Variants in USP42 observed in about 807,000 individuals in gnomAD.
The protein encoded by USP42 is ubiquitin specific peptidase 42.
USP42 carries 23 observed loss-of-function variants against 113.0 expected under a neutral mutation model. The ratio of observed to expected loss-of-function variants is 0.20; its 90% CI spans 0.15 to 0.29. The LOEUF (loss-of-function observed/expected upper bound fraction) is 0.29. USP42 is among the 10% of genes least tolerant of loss of function. The pLI is 1.00. For synonymous variants in USP42, 933 were observed against 699.0 expected (o/e 1.33, Z -5.28); for missense variants, 2,174 against 1,779.8 (o/e 1.22, Z -3.99).
intron 3 of USP42, among the ~76,000 whole-genome samples, chr7:6,123,028 G>T (rs562892352): frequency 2.4e-4 from 36 of 150,972 alleles, no homozygotes; most frequent in Non-Finnish European, 5.3e-4. Flanking sequence ...TTTCGCCCGT[G>T]TTGGCTAGGC....
At chr7:6,121,687 C>G (rs936024594) in intron 3 of USP42, among the ~76,000 whole-genome samples, 1 of 152,190 alleles carries the variant, frequency 6.6e-6, no homozygotes, top group Admixed American at 6.5e-5. Flanking sequence ...TTTTAGAAGA[C>G]AGGATCTTGC....
At chr7:6,125,707 A>T (rs990295502) in intron 3 of USP42, among the ~76,000 whole-genome samples, 1 of 151,276 alleles carries the variant, frequency 6.6e-6, no homozygotes, top group Admixed American at 6.6e-5. Context: ...ACTGCTTTTC[A>T]TTCCTTTTTA....
intron 6 of USP42, among the ~76,000 whole-genome samples, chr7:6,140,479 G>A (rs540028171): frequency 6.6e-6 from 1 of 150,732 alleles, no homozygotes; most frequent in African/African-American, 2.5e-5. Context: ...AACAGCCTTC[G>A]ACAGTTGGAG....
chr7:6,148,654 A>T (rs917601063), intron 12 of USP42, among the ~76,000 whole-genome samples: 6 of 152,218 alleles, frequency 3.9e-5, no homozygotes, highest in African/African-American at 1.4e-4. Flanking sequence ...TAGTGTCACA[A>T]GGAACACAGG....
At chr7:6,091,017 G>C in the USP42 span, among the ~76,000 whole-genome samples, 1 of 150,534 alleles carries the variant, frequency 6.6e-6, no homozygotes, top group Non-Finnish European at 1.5e-5. Context: ...CCTATTCAGT[G>C]GTGAGTTATA....
chr7:6,157,352 A>G lies in USP42; in HGVS notation c.3943+297A>G. On this transcript the variant is annotated intron_variant, in intron 16 of 17. Coordinates refer to ENST00000306177, the MANE Select transcript of USP42 (RefSeq NM_032172.3). This position sits in a 1 kb window ranked among gnomAD's most constrained non-coding sequence, Gnocchi z 4.1. ...TCTAGGCATCTGACTTTGCCTTGCAAAGGACCAGAACTCTTGGTTTGGTTT... is the reference window on the plus strand; with the variant it reads ...TCTAGGCATCTGACTTTGCCTTGCAGAGGACCAGAACTCTTGGTTTGGTTT... 1 of 1,072,664 alleles carries G rather than the reference A, an allele frequency of 9.3e-7. No individual in the cohort carries two copies. Among genetic ancestry groups the G allele is most frequent in the South Asian group, 4.5e-5 (1 of 22,276 alleles). 66.4% of individuals were successfully genotyped at this position (1,072,664 alleles called of 1,614,324 possible). A position where few individuals can be genotyped will look rare whatever the true frequency, so the allele number is the denominator to read the frequency against.
intron 3 of USP42, among the ~76,000 whole-genome samples, chr7:6,127,909 C>CT (rs1479073672): frequency 1.3e-5 from 2 of 152,172 alleles, no homozygotes; most frequent in Middle Eastern, 6.8e-3. Flanking sequence ...ACCATTCCTG[C>CT]TTTTTTTGTT....
At chr7:6,114,670 A>ATTTTTTTTTTTTGTTT (rs1360907493) in intron 2 of USP42, among the ~76,000 whole-genome samples, 1 of 39,702 alleles carries the variant, frequency 2.5e-5, no homozygotes, top group Non-Finnish European at 4.3e-5. Flanking sequence ...ATATATATAT[A>ATTTTTTTTTTTTGTTT]TATATATATT....
intron 14 of USP42, among the ~76,000 whole-genome samples, chr7:6,152,714 A>G (rs918888941): frequency 3.3e-5 from 5 of 152,250 alleles, no homozygotes; most frequent in Admixed American, 6.5e-5. Flanking sequence ...CCCAGGCCAC[A>G]GCAGCTTTCA....
chr7:6,156,050 A>G (rs1188936984), intron 15 of USP42, among the ~76,000 whole-genome samples: 1 of 152,140 alleles, frequency 6.6e-6, no homozygotes, highest in Admixed American at 6.5e-5. Context: ...CTGTTTTTGT[A>G]TTTTTAAAAA....
the USP42 span, among the ~76,000 whole-genome samples, chr7:6,097,154 A>C: frequency 6.6e-6 from 1 of 150,934 alleles, no homozygotes; most frequent in African/African-American, 2.5e-5. Flanking sequence ...ATCTCCTGTT[A>C]TTAGCCCTGG....
intron 11 of USP42, among the ~76,000 whole-genome samples, chr7:6,146,545 T>A (rs1274091174): frequency 6.6e-6 from 1 of 151,958 alleles, no homozygotes; most frequent in Non-Finnish European, 1.5e-5. Flanking sequence ...GGGCCTGTGG[T>A]CTTATCTGCT....
intron 2 of USP42, among the ~76,000 whole-genome samples, chr7:6,113,220 G>C (rs1232351304): frequency 1.3e-5 from 2 of 151,994 alleles, no homozygotes; most frequent in Non-Finnish European, 2.9e-5. Context: ...ATTGTGATGT[G>C]GGGGTGGGTG....
chr7:6,111,343 T>C lies in USP42; in HGVS notation c.210T>C (p.Asp70=). The change falls in exon 2 of 18, where the codon GAT becomes GAC. Residue 70 remains aspartate (D), a synonymous_variant. Coordinates refer to ENST00000306177, the MANE Select transcript of USP42 (RefSeq NM_032172.3). ...TTTATTCGAGTTCATCTGTACCTGA[T>C]AAATCAAAACCATCACCACAAAAGG... is the stretch of plus-strand genomic sequence containing the variant. ...AVVYSSSSVP[D]KSKPSPQKDQ... is the part of the protein sequence containing the mutation. 6.2e-7 allele frequency: 1 copy of C among 1,611,550 alleles called. No homozygotes were observed. The highest frequency in any genetic ancestry group is 2.2e-5 in the East Asian group (1 of 44,848).
intron 3 of USP42, among the ~76,000 whole-genome samples, chr7:6,124,241 A>T (rs1001366737): frequency 6.6e-6 from 1 of 151,460 alleles, no homozygotes; most frequent in African/African-American, 2.4e-5. Flanking sequence ...TCTTTAACTT[A>T]TTTTTGTCTG....
At chr7:6,129,948 C>G (rs1198263719) in intron 3 of USP42, among the ~76,000 whole-genome samples, 4 of 151,612 alleles carry the variant, frequency 2.6e-5, no homozygotes, top group Non-Finnish European at 5.9e-5. Flanking sequence ...TCTTAGTTCT[C>G]AGTATGATGA....
chr7:6,092,053 C>CTTCTTCTTCTTCTTCTTCTTCTTCTTT, the USP42 span, among the ~76,000 whole-genome samples: 116 of 41,760 alleles, frequency 2.8e-3, 8 homozygotes, highest in Non-Finnish European at 5.6e-3. Flanking sequence ...TCTTCTTCTT[C>CTTCTTCTTCTTCTTCTTCTTCTTCTTT]TTTCTTCTTC....
chr7:6,095,110 A>G, the USP42 span, among the ~76,000 whole-genome samples: 461 of 151,338 alleles, frequency 3.0e-3, 26 homozygotes, highest in African/African-American at 0.011. Context: ...CTGTGCTACA[A>G]TAGCTCTTAA....
chr7:6,108,201 C>G (rs748958467), intron 1 of USP42, among the ~76,000 whole-genome samples: 40 of 152,044 alleles, frequency 2.6e-4, no homozygotes, highest in Non-Finnish European at 5.2e-4. Context: ...CATAACAAAA[C>G]AAACAAACAA....
Sources: allele counts gnomAD v4.1 joint callset (sites outside exome capture counted in the v4.1 genomes callset), GRCh38; gene constraint gnomAD v4.1.1; non-coding constraint Gnocchi (gnomAD v3.1); transcripts MANE v1.5; gene names NCBI Gene and HGNC (gene_info 2026-07-23, HGNC 2026-07-21).